The following DNMBP variants were observed in gnomAD, a reference collection of about 807,000 sequenced individuals.
DNMBP encodes dynamin binding protein, also known as dynamin-binding protein.
A neutral mutation model predicts 150.0 loss-of-function variants in DNMBP; 87 were observed. That is an observed-to-expected ratio of 0.58 (90% confidence interval 0.49 to 0.69). The LOEUF is 0.69. Ranked by LOEUF, DNMBP falls within the 30% of genes least tolerant of loss-of-function variation. The pLI is 0.00. For missense variants in DNMBP, 1,774 were observed against 1,949.0 expected (o/e 0.91, Z 1.69); for synonymous variants, 711 against 750.4 (o/e 0.95, Z 0.86).
intron 4 of DNMBP, among the ~76,000 whole-genome samples, chr10:99,953,548 C>T (rs904253994): frequency 1.3e-5 from 2 of 151,992 alleles, no homozygotes; most frequent in African/African-American, 2.4e-5. Flanking sequence ...AAATCTACTC[C>T]CTTGGCCAGG....
At chr10:99,925,626 G>T (rs2040070767) in intron 4 of DNMBP, among the ~76,000 whole-genome samples, 1 of 152,048 alleles carries the variant, frequency 6.6e-6, no homozygotes. Flanking sequence ...TGTTGGCAAG[G>T]CTGGTCTCAA....
intron 3 of DNMBP, among the ~76,000 whole-genome samples, chr10:99,962,098 T>C (rs559211406): frequency 6.6e-6 from 1 of 152,190 alleles, no homozygotes; most frequent in South Asian, 2.1e-4. Flanking sequence ...CACATTCATC[T>C]TGGCTGTCTA....
intron 11 of DNMBP, among the ~76,000 whole-genome samples, chr10:99,892,583 A>G (rs952819403): frequency 5.2e-5 from 7 of 133,534 alleles, no homozygotes; most frequent in Non-Finnish European, 1.1e-4. Flanking sequence ...AGTCATCACC[A>G]ATCCCTAATC....
intron 4 of DNMBP, among the ~76,000 whole-genome samples, chr10:99,942,110 C>A (rs2040307368): frequency 6.6e-6 from 1 of 152,194 alleles, no homozygotes; most frequent in Non-Finnish European, 1.5e-5. Flanking sequence ...CCTCAAACAT[C>A]TAACATACTC....
chr10:99,997,352 A>T (rs559456353), intron 1 of DNMBP, among the ~76,000 whole-genome samples: 1 of 152,294 alleles, frequency 6.6e-6, no homozygotes, highest in African/African-American at 2.4e-5. Flanking sequence ...AATGTTTTCA[A>T]CTAGAGATGG....
chr10:99,891,187 T>G (rs1439557761), intron 11 of DNMBP, among the ~76,000 whole-genome samples: 2 of 59,358 alleles, frequency 3.4e-5, no homozygotes, highest in Admixed American at 4.0e-4. Flanking sequence ...CCCCTCTCCC[T>G]CTCCCCACCG....
intron 2 of DNMBP, among the ~76,000 whole-genome samples, chr10:99,971,040 A>C (rs894168900): frequency 6.6e-6 from 1 of 151,612 alleles, no homozygotes; most frequent in East Asian, 1.9e-4. Context: ...GAAAGGAATA[A>C]CATGTTTTGA....
chr10:99,898,210 C>T lies in DNMBP; in HGVS notation c.2796G>A (p.Leu932=). The change falls in exon 9 of 17, where the codon TTG becomes TTA. Residue 932 remains leucine, a synonymous_variant. Coordinates refer to ENST00000324109, the MANE Select transcript of DNMBP (RefSeq NM_015221.4). ...GGGTGGAATTCAGCAACTCCATTAG[C>T]AACAGCGGGTAACGCATTACTCTCT... ...PVQRVMRYPL[L]LMELLNSTPE... 1 of 1,614,008 alleles carries T rather than the reference C, an allele frequency of 6.2e-7. No individual in the cohort carries two copies. Among genetic ancestry groups the T allele is most frequent in the Non-Finnish European group, 8.5e-7 (1 of 1,179,952 alleles).
At chr10:99,897,931 A>G (rs548879660) in intron 9 of DNMBP, 155 bp downstream of exon 9, 197 of 654,880 alleles carry the variant, frequency 3.0e-4, no homozygotes, top group Non-Finnish European at 4.9e-4. Context: ...TAATAATAAA[A>G]TATCATATTT....
rs906704840 is a variant in DNMBP at position 99,875,851 on chromosome 10, A to G, written c.*1300T>C. On this transcript the variant is annotated 3_prime_UTR_variant, in exon 17 of 17. Coordinates refer to ENST00000324109, the MANE Select transcript of DNMBP (RefSeq NM_015221.4). ...CCAAGATAGGCTTCATAGCTGGGGA[A>G]GATCTTAAGATTCTTGGTCTAAGGG... The G allele has an allele frequency of 6.6e-6, 1 of 152,226 alleles. No homozygotes were observed. Among genetic ancestry groups the G allele is most frequent in the Non-Finnish European group, 1.5e-5 (1 of 68,056 alleles). 9.4% of individuals were successfully genotyped at this position (152,226 alleles called of 1,614,324 possible). A position where few individuals can be genotyped will look rare whatever the true frequency, so the allele number is the denominator to read the frequency against.
chr10:100,004,488 G>A (rs1459032231), intron 1 of DNMBP, among the ~76,000 whole-genome samples: 1 of 152,040 alleles, frequency 6.6e-6, no homozygotes, highest in Non-Finnish European at 1.5e-5. Flanking sequence ...TAAATGCTTA[G>A]GGCCAGACAA....
At chr10:99,960,549 T>G (rs892695115) in intron 3 of DNMBP, among the ~76,000 whole-genome samples, 1 of 152,336 alleles carries the variant, frequency 6.6e-6, no homozygotes, top group Non-Finnish European at 1.5e-5. Context: ...CTCACGCCTG[T>G]AATCCCAGCA....
At chr10:99,915,487 A>T (rs1235783797) in intron 4 of DNMBP, among the ~76,000 whole-genome samples, 1 of 151,720 alleles carries the variant, frequency 6.6e-6, no homozygotes, top group Non-Finnish European at 1.5e-5. Context: ...CGGGAGGATC[A>T]CTTGAAACCA....
chr10:99,942,431 A>G (rs556771083), intron 4 of DNMBP, among the ~76,000 whole-genome samples: 1 of 152,188 alleles, frequency 6.6e-6, no homozygotes, highest in Non-Finnish European at 1.5e-5. Flanking sequence ...GTCTTATTAC[A>G]TCTGGTAAAG....
At chr10:99,935,010 C>T (rs1375269137) in intron 4 of DNMBP, among the ~76,000 whole-genome samples, 3 of 119,028 alleles carry the variant, frequency 2.5e-5, no homozygotes, top group African/African-American at 6.5e-5. Context: ...CAGTTGAGCC[C>T]GGGTGGTCAA....
intron 1 of DNMBP, among the ~76,000 whole-genome samples, chr10:99,973,602 T>C (rs1429494407): frequency 6.6e-6 from 1 of 152,182 alleles, no homozygotes; most frequent in Non-Finnish European, 1.5e-5. Flanking sequence ...GGCATTCTGG[T>C]TCCTACCTAC....
At chr10:99,895,108 G>T in intron 10 of DNMBP, 58 bp from the exon 11 acceptor site, 1 of 904,270 alleles carries the variant, frequency 1.1e-6, no homozygotes, top group Non-Finnish European at 1.7e-6. Flanking sequence ...AATCTTACTG[G>T]CAAAAGTAGC....
At chr10:100,008,151 C>T (rs916924476) in intron 1 of DNMBP, among the ~76,000 whole-genome samples, 4 of 152,042 alleles carry the variant, frequency 2.6e-5, no homozygotes, top group East Asian at 1.9e-4. Context: ...CTGAGGCAGG[C>T]GGATCACCTG....
intron 2 of DNMBP, 82 bp from the exon 3 acceptor site, chr10:99,969,319 T>G: frequency 6.9e-7 from 1 of 1,452,590 alleles, no homozygotes; most frequent in East Asian, 2.3e-5. Context: ...ACTTTTCTTC[T>G]GAGTCCATGT....
Sources: gnomAD v4.1 joint callset for allele counts (sites outside exome capture counted in the v4.1 genomes callset) on GRCh38, gnomAD v4.1.1 for gene constraint, MANE v1.5 for transcripts, NCBI Gene and HGNC (gene_info 2026-07-23, HGNC 2026-07-21) for gene names.